Variants in DPP10 observed in about 807,000 individuals in gnomAD.
DPP10 encodes dipeptidyl peptidase like 10.
A neutral mutation model predicts 120.9 loss-of-function variants in DPP10; 33 were observed. That is an observed-to-expected ratio of 0.27 (90% CI 0.21 to 0.37). DPP10 has a LOEUF of 0.37. DPP10 is among the 10% of genes least tolerant of loss of function. The probability of loss-of-function intolerance (pLI) is 1.00; values close to 1 mark genes in which losing one functional copy is unlikely to be tolerated. For synonymous variants in DPP10, 337 were observed against 326.1 expected (o/e 1.03, Z -0.36); for missense variants, 816 against 942.8 (o/e 0.87, Z 1.76).
At chr2:115,592,464 T>G (rs1164499889) in intron 5 of DPP10, among the ~76,000 whole-genome samples, 3 of 152,052 alleles carry the variant, frequency 2.0e-5, no homozygotes, top group Admixed American at 1.3e-4. Flanking sequence ...GCGTGGTGGC[T>G]CATGCCTGTA....
At chr2:114,971,854 C>G (rs939327181) in intron 1 of DPP10, among the ~76,000 whole-genome samples, 1 of 152,044 alleles carries the variant, frequency 6.6e-6, no homozygotes, top group Admixed American at 6.5e-5. Context: ...TATAGTGAGA[C>G]ATTCATGTTT....
chr2:114,803,936 T>C (rs1346837106), intron 1 of DPP10, among the ~76,000 whole-genome samples: 1 of 152,058 alleles, frequency 6.6e-6, no homozygotes, highest in East Asian at 1.9e-4. Context: ...CTCCAGGCCA[T>C]GTCAGAGATC....
chr2:114,614,990 G>T (rs970651714), intron 1 of DPP10, among the ~76,000 whole-genome samples: 3 of 152,112 alleles, frequency 2.0e-5, no homozygotes, highest in South Asian at 2.1e-4. Context: ...TGCAATTTAA[G>T]GCAAACTAAC....
intron 2 of DPP10, among the ~76,000 whole-genome samples, chr2:115,336,930 T>A (rs1451281456): frequency 6.6e-6 from 1 of 152,024 alleles, no homozygotes; most frequent in Non-Finnish European, 1.5e-5. Context: ...AAGAGAAAAT[T>A]ATTTAAATGT....
chr2:115,516,277 A>G (rs556004985), intron 4 of DPP10, among the ~76,000 whole-genome samples: 2 of 152,246 alleles, frequency 1.3e-5, no homozygotes, highest in Admixed American at 6.6e-5. Flanking sequence ...TCTTATTGTC[A>G]TTGTCACTAA....
chr2:115,059,718 AAAATAAGCTG>A (rs1267588862), intron 1 of DPP10, among the ~76,000 whole-genome samples: 1 of 150,988 alleles, frequency 6.6e-6, no homozygotes, highest in African/African-American at 2.4e-5. Flanking sequence ...ACGTGGAAGA[AAAATAAGCTG>A]ATGGCGGGGA....
chr2:114,640,069 G>A (rs1695597797), intron 1 of DPP10, among the ~76,000 whole-genome samples: 1 of 151,926 alleles, frequency 6.6e-6, no homozygotes, highest in African/African-American at 2.4e-5. Context: ...ATTGGATTGT[G>A]CAAAATGGAA....
At position 115,493,063 on chromosome 2, in the gene DPP10, G is replaced by A. The variant is rs111339001; in HGVS notation, c.272-6447G>A. Among the ~76,000 whole-genome samples, 7 of 152,002 alleles carry A rather than the reference G, an allele frequency of 4.6e-5. No homozygotes were observed. The East Asian group carries it at 5.8e-4, about 13-fold the overall frequency. ...AATCTGGACTATTTTATAGGCTATC[G>A]GTAGATAATAAATATATAAATATAT... On this transcript the variant is annotated intron_variant, in intron 3 of 25. Transcript: ENST00000410059.
At chr2:115,013,567 T>G (rs1402310223) in intron 1 of DPP10, among the ~76,000 whole-genome samples, 2 of 148,696 alleles carry the variant, frequency 1.3e-5, no homozygotes, top group Non-Finnish European at 3.0e-5. Context: ...AACACATCGG[T>G]GGGCTGTATT....
intron 1 of DPP10, among the ~76,000 whole-genome samples, chr2:115,117,482 C>T (rs541121696): frequency 3.3e-5 from 5 of 152,242 alleles, no homozygotes; most frequent in South Asian, 4.2e-4. Flanking sequence ...ATGGTGTTCA[C>T]CTATAACCCC....
intron 1 of DPP10, among the ~76,000 whole-genome samples, chr2:114,566,132 A>G (rs1327480924): frequency 6.6e-6 from 1 of 152,176 alleles, no homozygotes; most frequent in Non-Finnish European, 1.5e-5. Flanking sequence ...AGGTTCAATT[A>G]TCAGAAGCGT....
intron 1 of DPP10, among the ~76,000 whole-genome samples, chr2:114,626,398 A>G (rs1694514132): frequency 6.6e-6 from 1 of 152,058 alleles, no homozygotes; most frequent in Non-Finnish European, 1.5e-5. Flanking sequence ...TACTTTCAGA[A>G]TTTAGATATT....
At chr2:115,817,536 A>G (rs992045450) in intron 21 of DPP10, among the ~76,000 whole-genome samples, 2 of 152,222 alleles carry the variant, frequency 1.3e-5, no homozygotes, top group Non-Finnish European at 1.5e-5. Flanking sequence ...TCTGCAGTGT[A>G]TCATGCCTTT....
chr2:114,975,464 G>A (rs897588524), intron 1 of DPP10, among the ~76,000 whole-genome samples: 1 of 152,136 alleles, frequency 6.6e-6, no homozygotes, highest in African/African-American at 2.4e-5. Flanking sequence ...ATACTGAAAG[G>A]AAAAATTTGA....
At position 115,746,086 on chromosome 2, in the gene DPP10, G is replaced by T; in HGVS notation, c.853G>T (p.Ala285Ser). 1.9e-6 allele frequency: 3 copies of T among 1,599,808 alleles called. No individual in the cohort carries two copies. The highest frequency in any genetic ancestry group is 1.7e-6 in the Non-Finnish European group (2 of 1,175,056). Residue 285 changes from alanine to serine, a missense_variant and splice_region_variant, in exon 10 of 26, where the codon GCA (alanine) becomes TCA (serine). Physicochemically the swap from Ala to Ser is moderately conservative, Grantham distance 99. Transcript: ENST00000410059. Reference protein sequence around the residue: ...PKGKQYPYPKAGQVNPTIKLY... With the variant: ...PKGKQYPYPKSGQVNPTIKLY... ...CAATACAACTTTCATTTTCTCAAAG[G>T]CAGGTCAAGTGAACCCAACAATAAA... is the stretch of plus-strand genomic sequence containing the variant.
intron 1 of DPP10, among the ~76,000 whole-genome samples, chr2:114,852,926 T>A (rs976005287): frequency 3.9e-5 from 6 of 152,184 alleles, no homozygotes; most frequent in African/African-American, 9.7e-5. Context: ...TAATGCCTGA[T>A]CTCTCAGAAA....
chr2:115,719,295 T>G (rs1575597375), intron 7 of DPP10, among the ~76,000 whole-genome samples: 1 of 152,180 alleles, frequency 6.6e-6, no homozygotes, highest in East Asian at 1.9e-4. Flanking sequence ...TCTTTGAAAA[T>G]GCATAAAGTG....
intron 1 of DPP10, among the ~76,000 whole-genome samples, chr2:114,963,047 A>G (rs1267181395): frequency 6.6e-6 from 1 of 152,246 alleles, no homozygotes; most frequent in African/African-American, 2.4e-5. Flanking sequence ...TTCTGAGCAT[A>G]ACAATCACAG....
intron 3 of DPP10, among the ~76,000 whole-genome samples, chr2:115,493,361 T>C (rs959179135): frequency 1.8e-4 from 28 of 152,076 alleles, no homozygotes; most frequent in African/African-American, 6.0e-4. Context: ...AAAAGTTTAA[T>C]TGTAGTACTG....
Sources: gnomAD v4.1 joint callset for allele counts (sites outside exome capture counted in the v4.1 genomes callset) on GRCh38, gnomAD v4.1.1 for gene constraint, MANE v1.5 for transcripts, NCBI Gene and HGNC (gene_info 2026-07-23, HGNC 2026-07-21) for gene names.